Variants in CACNB4 observed in about 807,000 individuals in gnomAD.
CACNB4 encodes the protein calcium voltage-gated channel auxiliary subunit beta 4.
In CACNB4, 32 loss-of-function variants were observed where a neutral mutation model predicts 71.2. That is an observed-to-expected ratio of 0.45 (90% confidence interval 0.34 to 0.60). CACNB4 has a LOEUF of 0.60. Among genes scored for constraint, CACNB4 ranks in the 20% least tolerant of loss-of-function variants. CACNB4 has a pLI of 0.01. For missense variants in CACNB4, 464 were observed against 647.9 expected, an observed-to-expected ratio of 0.72 and a Z score of 3.08; for synonymous variants, 231 against 236.9, an observed-to-expected ratio of 0.97 and a Z score of 0.23.
At chr2:151,997,362 G>A (rs1682109762) in intron 2 of CACNB4, among the ~76,000 whole-genome samples, 2 of 152,048 alleles carry the variant, frequency 1.3e-5, no homozygotes, top group African/African-American at 4.8e-5. Context: ...GTGAAACCCC[G>A]TCTCTACTAA....
chr2:151,940,972 G>A (rs1427084494), intron 2 of CACNB4, among the ~76,000 whole-genome samples: 1 of 152,136 alleles, frequency 6.6e-6, no homozygotes, highest in African/African-American at 2.4e-5. Flanking sequence ...CCTTCTAAGT[G>A]CTACTTCCTC....
chr2:152,066,239 C>T (rs955482622), intron 2 of CACNB4, among the ~76,000 whole-genome samples: 5 of 152,170 alleles, frequency 3.3e-5, no homozygotes, highest in East Asian at 3.9e-4. Flanking sequence ...TGCTCCAGAG[C>T]TTTCAAATGC....
chr2:151,903,560 A>G (rs1349440954), intron 2 of CACNB4, among the ~76,000 whole-genome samples: 1 of 152,090 alleles, frequency 6.6e-6, no homozygotes, highest in Non-Finnish European at 1.5e-5. Context: ...TAAAACCGGG[A>G]ATGACACTAT....
rs539511824 is a variant in CACNB4, at chr2:151,874,786, C to A, written c.521+1640G>T. 5.6e-5 allele frequency: 22 copies of A among 390,014 alleles called. No homozygotes were observed. The East Asian group carries it at 7.3e-4, about 13-fold the overall frequency. The allele number at this position is 390,014 out of a possible 1,614,324, so 24.2% of individuals were successfully genotyped here. A position where few individuals can be genotyped will look rare whatever the true frequency, so the allele number is the denominator to read the frequency against. ...CAAATCAATGCTTCAGTGCAGGCTG[C>A]GACACAATACATGCAGACTCAGGAT... On this transcript the variant is annotated intron_variant, in intron 5 of 13. Transcript: ENST00000539935.
intron 2 of CACNB4, among the ~76,000 whole-genome samples, chr2:151,946,013 GTTA>G (rs139231797): frequency 0.095 from 14,401 of 151,584 alleles, 1,546 homozygotes; most frequent in East Asian, 0.54. Flanking sequence ...TATTGTTGTT[GTTA>G]TTATTATTAT....
At chr2:152,053,594 G>A (rs1261189620) in intron 2 of CACNB4, among the ~76,000 whole-genome samples, 1 of 148,560 alleles carries the variant, frequency 6.7e-6, no homozygotes, top group Non-Finnish European at 1.5e-5. Flanking sequence ...TGTGATCACA[G>A]CTCACTGCAG....
chr2:151,931,947 A>C (rs16830457), intron 2 of CACNB4, among the ~76,000 whole-genome samples: 9,863 of 152,252 alleles, frequency 0.065, 1,033 homozygotes, highest in African/African-American at 0.22. Context: ...CTAAGTATGA[A>C]TATGACACAA....
intron 2 of CACNB4, among the ~76,000 whole-genome samples, chr2:151,937,115 A>G (rs748866803): frequency 1.6e-4 from 25 of 152,076 alleles, no homozygotes; most frequent in Middle Eastern, 6.8e-3. Context: ...AATAAGTACC[A>G]CTCCATATTC....
chr2:151,913,905 C>T (rs1359646830), intron 2 of CACNB4, among the ~76,000 whole-genome samples: 1 of 152,098 alleles, frequency 6.6e-6, no homozygotes, highest in Admixed American at 6.6e-5. Flanking sequence ...CTGCCCTTAA[C>T]AGTTTTTCCT....
At chr2:151,847,572 T>C (rs933383290) in intron 12 of CACNB4, among the ~76,000 whole-genome samples, 1 of 152,148 alleles carries the variant, frequency 6.6e-6, no homozygotes, top group Non-Finnish European at 1.5e-5. Flanking sequence ...GATGGGAAAT[T>C]AGACTCTAAG....
chr2:151,835,165 T>G lies in CACNB4; in HGVS notation c.*3954A>C, dbSNP rs946676273. ...ACTCCTTTAGACTTAGAACTAGATA[T>G]TATAACAAGTTGCACACAAAGGCAA... On this transcript the variant is annotated 3_prime_UTR_variant, in exon 14 of 14. Transcript: ENST00000539935. 6.6e-6 allele frequency: 1 copy of G among 151,916 alleles called. No homozygotes were observed. Among genetic ancestry groups the G allele is most frequent in the Non-Finnish European group, 1.5e-5 (1 of 67,824 alleles). 9.4% of individuals were successfully genotyped at this position (151,916 alleles called of 1,614,324 possible).
At chr2:151,841,398 C>T (rs1218263158) in intron 13 of CACNB4, among the ~76,000 whole-genome samples, 2 of 151,996 alleles carry the variant, frequency 1.3e-5, no homozygotes, top group Non-Finnish European at 2.9e-5. Context: ...CAAAGTGAGA[C>T]ACTGACACTG....
chr2:151,921,880 C>G (rs955794931), intron 2 of CACNB4, among the ~76,000 whole-genome samples: 3 of 152,044 alleles, frequency 2.0e-5, no homozygotes, highest in African/African-American at 7.3e-5. Context: ...CTCCCCTTCC[C>G]CTTCGCCTTC....
At chr2:152,052,676 T>C (rs1381081352) in intron 2 of CACNB4, among the ~76,000 whole-genome samples, 1 of 152,204 alleles carries the variant, frequency 6.6e-6, no homozygotes, top group Non-Finnish European at 1.5e-5. Context: ...TAATATTCTA[T>C]TGTATAGAAA....
intron 2 of CACNB4, among the ~76,000 whole-genome samples, chr2:151,920,710 T>C (rs1386547460): frequency 2.0e-5 from 3 of 152,128 alleles, no homozygotes; most frequent in African/African-American, 7.2e-5. Flanking sequence ...CAAAGAAGAA[T>C]TTCCATCTAA....
At chr2:152,041,243 G>C (rs1684858755) in intron 2 of CACNB4, among the ~76,000 whole-genome samples, 1 of 152,098 alleles carries the variant, frequency 6.6e-6, no homozygotes, top group Admixed American at 6.6e-5. Flanking sequence ...TTCCCCTTTG[G>C]AACTTTTCAC....
chr2:152,013,000 G>T (rs1282168305), intron 2 of CACNB4, among the ~76,000 whole-genome samples: 1 of 152,116 alleles, frequency 6.6e-6, no homozygotes, highest in Admixed American at 6.6e-5. Flanking sequence ...TACTTTTACT[G>T]TACCTTTTCT....
intron 12 of CACNB4, among the ~76,000 whole-genome samples, chr2:151,849,757 C>A (rs915427438): frequency 6.6e-6 from 1 of 152,116 alleles, no homozygotes; most frequent in South Asian, 2.1e-4. Context: ...CCAGGTCAGC[C>A]GCCAGCTGAA....
chr2:152,098,285 C>G lies in CACNB4; in HGVS notation c.147+45G>C. Reference sequence around the variant, plus strand: ...CCGGCTCCAGGACCCCCGCGCCGCGCGCTCGGCCTCCTCCCCATCCTGGTC... The same window carrying G: ...CCGGCTCCAGGACCCCCGCGCCGCGGGCTCGGCCTCCTCCCCATCCTGGTC... On this transcript the variant is annotated intron_variant, in intron 2 of 13. Coordinates refer to ENST00000539935, the MANE Select transcript of CACNB4 (RefSeq NM_000726.5). This position sits in a 1 kb window ranked among gnomAD's most constrained non-coding sequence, Gnocchi z 5.3. 1 of 1,504,542 alleles carries G rather than the reference C, an allele frequency of 6.6e-7. No homozygotes were observed. Among genetic ancestry groups the G allele is most frequent in the South Asian group, 1.1e-5 (1 of 88,884 alleles). The allele number at this position is 1,504,542 out of a possible 1,614,324, so 93.2% of individuals were successfully genotyped here. A position where few individuals can be genotyped will look rare whatever the true frequency, so the allele number is the denominator to read the frequency against.
Sources: gnomAD v4.1 joint callset for allele counts (sites outside exome capture counted in the v4.1 genomes callset) on GRCh38, gnomAD v4.1.1 for gene constraint, Gnocchi (gnomAD v3.1) non-coding constraint, MANE v1.5 for transcripts, NCBI Gene and HGNC (gene_info 2026-07-23, HGNC 2026-07-21) for gene names.